Variants in MITF observed in about 807,000 individuals in gnomAD.
The protein encoded by MITF is melanocyte inducing transcription factor.
A neutral mutation model predicts 60.5 loss-of-function variants in MITF; 17 were observed. That is an observed-to-expected ratio of 0.28 (90% CI 0.19 to 0.42). MITF has a LOEUF of 0.42. Ranked by LOEUF, MITF falls within the 10% of genes least tolerant of loss-of-function variation. The pLI, the probability that MITF is intolerant of heterozygous loss-of-function variation, is 1.00. For missense variants in MITF, 622 were observed against 683.5 expected, an observed-to-expected ratio of 0.91 and a Z score of 1.00; for synonymous variants, 260 against 248.5, an observed-to-expected ratio of 1.05 and a Z score of -0.43.
rs72371556 is a variant in MITF at position 69,821,690 on chromosome 3, T to TAAAA, written c.105-57431_105-57428dup. Among the ~76,000 whole-genome samples, 49 of 113,226 alleles carry TAAAA rather than the reference T, an allele frequency of 4.3e-4. 1 individual carries two copies. The highest frequency in any genetic ancestry group is 5.6e-4 in the Admixed American group (6 of 10,772). 74.3% of individuals were successfully genotyped at this position (113,226 alleles called of 152,430 possible). A position where few individuals can be genotyped will look rare whatever the true frequency, so the allele number is the denominator to read the frequency against. Reference sequence around the variant, plus strand: ...CATTTAGAAAAGGAAAAAAAAAAACTAAAAAAAAAAAAAAAAGCAAAAGTT... The same window carrying TAAAA: ...CATTTAGAAAAGGAAAAAAAAAAACTAAAAAAAAAAAAAAAAAAAAGCAAAAGTT... On this transcript the variant is annotated intron_variant, in intron 1 of 9. Coordinates refer to ENST00000352241, the MANE Select transcript of MITF (RefSeq NM_001354604.2).
rs113927462 is a variant in MITF at position 69,789,379 on chromosome 3, G to A, written c.104+49678G>A. On this transcript the variant is annotated intron_variant, in intron 1 of 9. Coordinates refer to ENST00000352241, the MANE Select transcript of MITF (RefSeq NM_001354604.2). The stretch of plus-strand genomic sequence containing the variant: ...TGGTATACAGATGACCAACAAGCAC[G>A]TGAAAAAGTGCTCAATGTCACTCAT... Among the ~76,000 whole-genome samples, 652 of 152,194 alleles carry A rather than the reference G, an allele frequency of 4.3e-3. 6 individuals are homozygous for A. The highest frequency in any genetic ancestry group is 0.014 in the African/African-American group (601 of 41,544).
chr3:69,780,390 A>T (rs568302261), intron 1 of MITF, among the ~76,000 whole-genome samples: 11 of 152,316 alleles, frequency 7.2e-5, no homozygotes, highest in African/African-American at 2.4e-4. Flanking sequence ...CATGCCAATG[A>T]GCAGTCATCT....
chr3:69,918,919 T>A (rs1303046506), intron 2 of MITF, among the ~76,000 whole-genome samples: 1 of 152,194 alleles, frequency 6.6e-6, no homozygotes, highest in Non-Finnish European at 1.5e-5. Context: ...AATAATCATG[T>A]TCTATATTAG....
chr3:69,778,443 T>A (rs1260578611), intron 1 of MITF, among the ~76,000 whole-genome samples: 2 of 152,174 alleles, frequency 1.3e-5, no homozygotes, highest in Non-Finnish European at 2.9e-5. Flanking sequence ...AATAGGGATT[T>A]ATTTATCTCC....
intron 1 of MITF, among the ~76,000 whole-genome samples, chr3:69,847,304 G>A (rs771776814): frequency 3.3e-5 from 5 of 152,148 alleles, no homozygotes; most frequent in Admixed American, 6.5e-5. Context: ...AAGCTCTTTC[G>A]GAAGACAGTG....
At chr3:69,846,704 C>G (rs750936806) in intron 1 of MITF, among the ~76,000 whole-genome samples, 13 of 151,186 alleles carry the variant, frequency 8.6e-5, no homozygotes, top group Non-Finnish European at 1.9e-4. Context: ...GTAATCCCAG[C>G]TGCTCAGGAG....
At chr3:69,959,654 A>G (rs1319045053) in intron 9 of MITF, among the ~76,000 whole-genome samples, 5 of 152,170 alleles carry the variant, frequency 3.3e-5, no homozygotes, top group Non-Finnish European at 7.3e-5. Context: ...TGAGCTGCCC[A>G]TGGCACGCAT....
chr3:69,868,767 C>T (rs1409707744), intron 1 of MITF, among the ~76,000 whole-genome samples: 1 of 151,878 alleles, frequency 6.6e-6, no homozygotes. Flanking sequence ...GGCATGGTGT[C>T]CCGGGCCTAT....
At chr3:69,892,278 T>C (rs1356248664) in intron 2 of MITF, among the ~76,000 whole-genome samples, 1 of 152,234 alleles carries the variant, frequency 6.6e-6, no homozygotes. Flanking sequence ...AATATTATTT[T>C]TTGTTTTTTA....
intron 1 of MITF, among the ~76,000 whole-genome samples, chr3:69,791,791 A>C (rs1018577854): frequency 6.6e-6 from 1 of 152,150 alleles, no homozygotes; most frequent in Non-Finnish European, 1.5e-5. Context: ...GTGTGCATTT[A>C]AGTGTGTATG....
chr3:69,862,178 C>T (rs976991532), intron 1 of MITF, among the ~76,000 whole-genome samples: 61 of 152,240 alleles, frequency 4.0e-4, no homozygotes, highest in African/African-American at 1.2e-3. Context: ...GAATCTCACT[C>T]ACTCATTTGT....
intron 1 of MITF, among the ~76,000 whole-genome samples, chr3:69,766,478 C>T (rs1302121800): frequency 6.8e-6 from 1 of 147,996 alleles, no homozygotes; most frequent in East Asian, 2.0e-4. Flanking sequence ...CTGCCTACTT[C>T]GGCCTCCCAA....
At chr3:69,768,105 A>C (rs992492039) in intron 1 of MITF, among the ~76,000 whole-genome samples, 6 of 152,216 alleles carry the variant, frequency 3.9e-5, no homozygotes, top group African/African-American at 1.4e-4. Flanking sequence ...GCCCACAATC[A>C]AGCAAAAAGA....
chr3:69,966,038 TGAG>T lies in MITF; in HGVS notation c.*794_*796del. 8.6e-6 allele frequency: 2 copies of T among 232,574 alleles called. No individual in the cohort carries two copies. The highest frequency in any genetic ancestry group is 3.6e-4 in the South Asian group (2 of 5,518). 14.4% of individuals were successfully genotyped at this position (232,574 alleles called of 1,614,324 possible). ...TTAATGTCCTCTCAAAGTAAAATAT[TGAG>T]GAGCACTGAAAGTATGTTTTACTTT... is the stretch of plus-strand genomic sequence containing the variant. On this transcript the variant is annotated 3_prime_UTR_variant, in exon 10 of 10. Transcript: ENST00000352241.
chr3:69,893,396 C>T (rs1285046459), intron 2 of MITF, among the ~76,000 whole-genome samples: 9 of 151,882 alleles, frequency 5.9e-5, no homozygotes, highest in Admixed American at 1.3e-4. Context: ...TTAGATCGGG[C>T]GATATCCATA....
chr3:69,843,002 C>G (rs2063667681), intron 1 of MITF, among the ~76,000 whole-genome samples: 1 of 152,202 alleles, frequency 6.6e-6, no homozygotes, highest in Non-Finnish European at 1.5e-5. Flanking sequence ...TTGGCATTGA[C>G]AACTTTCAGT....
intron 1 of MITF, among the ~76,000 whole-genome samples, chr3:69,794,779 G>A (rs905990418): frequency 3.9e-5 from 6 of 152,116 alleles, no homozygotes; most frequent in South Asian, 2.1e-4. Flanking sequence ...AGCACTTCCC[G>A]AAAGAATCCA....
intron 2 of MITF, among the ~76,000 whole-genome samples, chr3:69,886,551 C>T (rs1160819833): frequency 6.6e-6 from 1 of 151,976 alleles, no homozygotes; most frequent in Non-Finnish European, 1.5e-5. Context: ...AAAGAATCAC[C>T]AGTAACAGAA....
In MITF at chr3:69,937,889, A is replaced by G; in HGVS notation, c.422A>G (p.Gln141Arg). ...IQQAQRQQVKQYLSTTLANKH... is the reference protein window; with the variant it reads ...IQQAQRQQVKRYLSTTLANKH... ...CAAGCCCAACGGCAGCAGGTAAAGC[A>G]GTACCTTTCTACCACTTTAGCAAAT... The change falls in exon 3 of 10, where the codon CAG becomes CGG. Residue 141 changes from glutamine (Q) to arginine (R), a missense_variant. This residue lies in a region of MITF where 215 missense variants were observed against 224.8 expected (regional missense o/e 0.96). Transcript: ENST00000352241. 11 of 1,614,150 alleles carry G rather than the reference A, an allele frequency of 6.8e-6. No homozygotes were observed. Among genetic ancestry groups the G allele is most frequent in the Non-Finnish European group, 8.5e-6 (10 of 1,180,012 alleles).
Sources: allele counts gnomAD v4.1 joint callset (sites outside exome capture counted in the v4.1 genomes callset), GRCh38; gene constraint gnomAD v4.1.1; regional missense constraint gnomAD v4.1.1; transcripts MANE v1.5; gene names NCBI Gene and HGNC (gene_info 2026-07-23, HGNC 2026-07-21).